The following GABRA3 variants were observed in gnomAD, a reference collection of about 807,000 sequenced individuals.
The protein encoded by GABRA3 is gamma-aminobutyric acid receptor subunit alpha-3.
Under a neutral mutation model 30.1 loss-of-function variants are expected in GABRA3, and 10 were observed. That is an observed-to-expected ratio of 0.33 (90% CI 0.20 to 0.56). The LOEUF (loss-of-function observed/expected upper bound fraction) is 0.56. Among genes scored for constraint, GABRA3 ranks in the 20% least tolerant of loss-of-function variants. The probability of loss-of-function intolerance (pLI) is 0.89; values close to 1 mark genes in which losing one functional copy is unlikely to be tolerated. For synonymous variants in GABRA3, 151 were observed against 146.8 expected (o/e 1.03, Z -0.21); for missense variants, 233 against 392.0 (o/e 0.59, Z 3.42).
At chrX:152,208,544 T>A (rs920917459) in intron 6 of GABRA3, among the ~76,000 whole-genome samples, 1 of 111,446 alleles carries the variant, frequency 9.0e-6, no homozygotes, top group Non-Finnish European at 1.9e-5. Context: ...ATTTGGATAT[T>A]CGACCCCTCC....
chrX:152,289,581 T>A (rs756238926), intron 3 of GABRA3, among the ~76,000 whole-genome samples: 1 of 110,780 alleles, frequency 9.0e-6, no homozygotes, highest in African/African-American at 3.3e-5. Context: ...GTTTGTTACA[T>A]AGGCATACAT....
chrX:152,409,768 T>C (rs770893156), intron 1 of GABRA3, among the ~76,000 whole-genome samples: 1 of 111,848 alleles, frequency 8.9e-6, no homozygotes, highest in African/African-American at 3.2e-5. Flanking sequence ...GGTGGAAAGG[T>C]AAATTAGTAC....
chrX:152,336,654 A>G (rs751216430), intron 3 of GABRA3, among the ~76,000 whole-genome samples: 2 of 112,167 alleles, frequency 1.8e-5, no homozygotes, highest in African/African-American at 6.5e-5. Flanking sequence ...CCTTTCAGGA[A>G]CAGCTAATTA....
chrX:152,202,375 T>A (rs1014541752), intron 7 of GABRA3, among the ~76,000 whole-genome samples: 4 of 111,666 alleles, frequency 3.6e-5, no homozygotes, highest in Admixed American at 1.9e-4. Flanking sequence ...CCTAAATCAA[T>A]AGGTATAAAA....
chrX:152,339,220 T>C (rs186288241), intron 3 of GABRA3, among the ~76,000 whole-genome samples: 18 of 110,449 alleles, frequency 1.6e-4, no homozygotes, highest in East Asian at 2.9e-4. Context: ...GAACACCCTA[T>C]TATGTTGTAA....
intron 1 of GABRA3, among the ~76,000 whole-genome samples, chrX:152,450,241 G>C (rs959411811): frequency 1.8e-5 from 2 of 110,076 alleles, no homozygotes; most frequent in Non-Finnish European, 3.8e-5. Context: ...CCTTCCCCCA[G>C]TCCTCTTGCC....
intron 3 of GABRA3, among the ~76,000 whole-genome samples, chrX:152,330,879 A>G (rs184173065): frequency 1.1e-3 from 128 of 111,994 alleles, no homozygotes; most frequent in Non-Finnish European, 2.0e-3. Flanking sequence ...CTATGTATTC[A>G]TAATTAATAT....
intron 4 of GABRA3, among the ~76,000 whole-genome samples, chrX:152,276,261 T>C (rs1161091603): frequency 9.0e-6 from 1 of 111,255 alleles, no homozygotes; most frequent in Non-Finnish European, 1.9e-5. Context: ...ACTAAACATA[T>C]AAAAAGATGC....
intron 3 of GABRA3, among the ~76,000 whole-genome samples, chrX:152,292,443 CTTT>C (rs1292817974): frequency 2.7e-5 from 3 of 111,173 alleles, no homozygotes; most frequent in Admixed American, 1.9e-4. Flanking sequence ...CTCGTTTCTT[CTTT>C]ATTAGTCTCG....
intron 1 of GABRA3, among the ~76,000 whole-genome samples, chrX:152,389,739 A>G (rs1184795652): frequency 9.0e-6 from 1 of 111,518 alleles, no homozygotes; most frequent in Non-Finnish European, 1.9e-5. Flanking sequence ...ATATAGAAGG[A>G]GACAACACTG....
At chrX:152,439,497 C>A (rs1417198038) in intron 1 of GABRA3, among the ~76,000 whole-genome samples, 2 of 111,352 alleles carry the variant, frequency 1.8e-5, no homozygotes, top group Non-Finnish European at 3.8e-5. Flanking sequence ...CTCTTACACA[C>A]TGCCGGTGGG....
chrX:152,182,456 GTGTATA>G (rs1937167673), intron 9 of GABRA3, among the ~76,000 whole-genome samples: 1 of 86,642 alleles, frequency 1.2e-5, no homozygotes, highest in Non-Finnish European at 2.2e-5. Flanking sequence ...ACTATATATA[GTGTATA>G]TATGTACACT....
At chrX:152,182,288 T>A (rs1937159877) in intron 9 of GABRA3, among the ~76,000 whole-genome samples, 1 of 99,155 alleles carries the variant, frequency 1.0e-5, no homozygotes, top group Non-Finnish European at 2.0e-5. Context: ...TTACAGCCAT[T>A]GCCTGACGTG....
chrX:152,444,748 G>C (rs12012944), intron 1 of GABRA3, among the ~76,000 whole-genome samples: 1 of 47,725 alleles, frequency 2.1e-5, no homozygotes. Flanking sequence ...TTTTTTTTTT[G>C]TTTTTTTTTG....
At chrX:152,199,086 G>A (rs990717775) in intron 7 of GABRA3, among the ~76,000 whole-genome samples, 8 of 111,330 alleles carry the variant, frequency 7.2e-5, no homozygotes, top group Non-Finnish European at 1.1e-4. Flanking sequence ...CAGAGGGCTG[G>A]GTGCGGTGGC....
chrX:152,432,646 A>T (rs2124546072), intron 1 of GABRA3, among the ~76,000 whole-genome samples: 1 of 111,583 alleles, frequency 9.0e-6, no homozygotes, highest in East Asian at 2.8e-4. Flanking sequence ...TACAATAAAA[A>T]AAGAATGGGA....
At chrX:152,190,240 A>C (rs1383865817) in intron 8 of GABRA3, among the ~76,000 whole-genome samples, 1 of 110,148 alleles carries the variant, frequency 9.1e-6, no homozygotes, top group Admixed American at 9.7e-5. Context: ...ATTTCATTGT[A>C]AGAGAGCATT....
intron 1 of GABRA3, among the ~76,000 whole-genome samples, chrX:152,421,986 TG>T (rs1348894120): frequency 1.8e-5 from 2 of 111,608 alleles, no homozygotes; most frequent in Admixed American, 9.6e-5. Flanking sequence ...GGAAACTTCT[TG>T]GCAGTATCTA....
intron 2 of GABRA3, among the ~76,000 whole-genome samples, chrX:152,362,136 T>C (rs1280788396): frequency 9.0e-6 from 1 of 110,800 alleles, no homozygotes; most frequent in East Asian, 2.8e-4. Context: ...ACTGTAAAAA[T>C]GCTGATATAA....
Sources: gnomAD v4.1 joint callset for allele counts (sites outside exome capture counted in the v4.1 genomes callset) on GRCh38, gnomAD v4.1.1 for gene constraint, MANE v1.5 for transcripts, NCBI Gene and HGNC (gene_info 2026-07-23, HGNC 2026-07-21) for gene names.